Variants in MEGF11 observed in about 807,000 individuals in gnomAD.
MEGF11 encodes multiple EGF like domains 11.
MEGF11 carries 126 observed loss-of-function variants against 146.6 expected under a neutral mutation model. That is an observed-to-expected ratio of 0.86 (90% CI 0.74 to 1.00). The LOEUF is 1.00. Ranked by LOEUF, MEGF11 falls within the 50% of genes least tolerant of loss-of-function variation. The pLI is 0.00. For missense variants in MEGF11, 1,509 were observed against 1,521.2 expected, an observed-to-expected ratio of 0.99 and a Z score of 0.13; for synonymous variants, 532 against 583.4, an observed-to-expected ratio of 0.91 and a Z score of 1.27.
intron 1 of MEGF11, among the ~76,000 whole-genome samples, chr15:66,201,912 A>T (rs1018553940): frequency 6.9e-5 from 9 of 129,558 alleles, no homozygotes; most frequent in South Asian, 2.4e-4. Flanking sequence ...GTGCCACTGC[A>T]CTCCAGTCTG....
chr15:66,138,500 T>C (rs1158915147), intron 1 of MEGF11, among the ~76,000 whole-genome samples: 1 of 152,214 alleles, frequency 6.6e-6, no homozygotes, highest in Non-Finnish European at 1.5e-5. Flanking sequence ...TAAAGCAATT[T>C]ATTGAGGCTC....
At chr15:66,089,563 C>G (rs1436601276) in intron 5 of MEGF11, among the ~76,000 whole-genome samples, 1 of 152,092 alleles carries the variant, frequency 6.6e-6, no homozygotes, top group African/African-American at 2.4e-5. Context: ...AGAAATGGGA[C>G]CCAGGAAATA....
chr15:66,014,236 T>C (rs979867357), intron 5 of MEGF11, among the ~76,000 whole-genome samples: 2 of 152,226 alleles, frequency 1.3e-5, no homozygotes, highest in Non-Finnish European at 2.9e-5. Context: ...GCCATGTCTG[T>C]CACTGGATTA....
intron 10 of MEGF11, among the ~76,000 whole-genome samples, chr15:65,933,640 G>C (rs753875511): frequency 6.6e-6 from 1 of 152,212 alleles, no homozygotes; most frequent in Non-Finnish European, 1.5e-5. Flanking sequence ...AGAAAAGGGA[G>C]ACTCAGAGAG....
intron 1 of MEGF11, among the ~76,000 whole-genome samples, chr15:66,170,655 G>T (rs1328915882): frequency 1.3e-5 from 2 of 152,174 alleles, no homozygotes; most frequent in Non-Finnish European, 2.9e-5. Context: ...GGTGTAAGAG[G>T]TTCTTATTAT....
At chr15:65,936,276 T>C (rs1412502057) in intron 10 of MEGF11, among the ~76,000 whole-genome samples, 3 of 152,158 alleles carry the variant, frequency 2.0e-5, no homozygotes, top group Non-Finnish European at 4.4e-5. Context: ...TAGCACTGGA[T>C]GGTTGTGGTT....
chr15:65,963,613 G>A (rs150690769), intron 9 of MEGF11, among the ~76,000 whole-genome samples: 121 of 152,288 alleles, frequency 7.9e-4, no homozygotes, highest in African/African-American at 2.7e-3. Flanking sequence ...GAAGGTGCTC[G>A]GGGTTTCCTC....
intron 5 of MEGF11, among the ~76,000 whole-genome samples, chr15:66,001,614 C>T (rs1159229208): frequency 1.3e-5 from 2 of 151,188 alleles, no homozygotes; most frequent in African/African-American, 4.9e-5. Flanking sequence ...CTCTCATTTT[C>T]ACCTCCTTTA....
intron 5 of MEGF11, among the ~76,000 whole-genome samples, chr15:66,034,336 A>T (rs2083644122): frequency 6.6e-6 from 1 of 151,444 alleles, no homozygotes; most frequent in East Asian, 1.9e-4. Flanking sequence ...GGCTATTGGG[A>T]TGGAATGAAT....
At chr15:66,124,268 GA>G (rs2088216081) in intron 2 of MEGF11, among the ~76,000 whole-genome samples, 2 of 152,166 alleles carry the variant, frequency 1.3e-5, no homozygotes, top group South Asian at 4.1e-4. Context: ...TCATTTAACA[GA>G]GAATGAATAA....
intron 5 of MEGF11, among the ~76,000 whole-genome samples, chr15:65,986,792 C>CTTTTTTTTTTT (rs1491353062): frequency 3.0e-5 from 4 of 134,004 alleles, no homozygotes; most frequent in African/African-American, 1.1e-4. Flanking sequence ...GCTGATTTTT[C>CTTTTTTTTTTT]CTTTTTTTTT....
intron 4 of MEGF11, among the ~76,000 whole-genome samples, chr15:66,103,003 CTGT>C (rs959193163): frequency 3.3e-4 from 50 of 152,334 alleles, no homozygotes; most frequent in African/African-American, 1.0e-3. Context: ...GTGGAAAGCA[CTGT>C]TATTATCCCC....
At chr15:66,233,945 C>CTTTTTTTTTTTTTTTTTTT in intron 1 of MEGF11, among the ~76,000 whole-genome samples, 1 of 108,514 alleles carries the variant, frequency 9.2e-6, no homozygotes, top group Admixed American at 1.0e-4. Context: ...TTTTTTTTTT[C>CTTTTTTTTTTTTTTTTTTT]TTTTTCTTTT....
At position 65,915,574 on chromosome 15, in the gene MEGF11, T is replaced by C; in HGVS notation, c.2369A>G (p.Tyr790Cys). Residue 790 changes from tyrosine to cysteine, a missense_variant, in exon 19 of 26, where the codon TAT becomes TGT. By Grantham distance (194) the Tyr-to-Cys change is radical. Transcript: ENST00000395614. ...EQRCAPGTFG[Y>C]GCQQLCECMN... ...GCACTCACATAGCTGCTGACACCCATAGCCAAAGGTTCCTGGGGCACATCC... is the reference window on the plus strand; with the variant it reads ...GCACTCACATAGCTGCTGACACCCACAGCCAAAGGTTCCTGGGGCACATCC... The C allele has an allele frequency of 1.2e-6, 2 of 1,613,916 alleles. No individual in the cohort carries two copies. The highest frequency in any genetic ancestry group is 1.7e-6 in the Non-Finnish European group (2 of 1,179,848).
chr15:66,090,391 C>G (rs1404954386), intron 5 of MEGF11, among the ~76,000 whole-genome samples: 2 of 152,178 alleles, frequency 1.3e-5, no homozygotes, highest in African/African-American at 4.8e-5. Context: ...CCAAAAATCC[C>G]TAAAAAGTCC....
At chr15:66,222,158 GT>G (rs1419939511) in intron 1 of MEGF11, among the ~76,000 whole-genome samples, 1 of 152,066 alleles carries the variant, frequency 6.6e-6, no homozygotes, top group Non-Finnish European at 1.5e-5. Flanking sequence ...GACAGGCAGG[GT>G]TTTGATGGCA....
At chr15:66,098,852 G>A (rs1174178350) in intron 4 of MEGF11, among the ~76,000 whole-genome samples, 2 of 152,182 alleles carry the variant, frequency 1.3e-5, no homozygotes, top group Non-Finnish European at 2.9e-5. Flanking sequence ...TGTCTGTAGT[G>A]GGGCTCAGGG....
At chr15:66,187,409 T>C (rs9920358) in intron 1 of MEGF11, among the ~76,000 whole-genome samples, 2,954 of 152,294 alleles carry the variant, frequency 0.019, 110 homozygotes, top group African/African-American at 0.068. Flanking sequence ...CCACCTGCTC[T>C]CTGTGGCTCA....
chr15:66,000,526 G>A (rs2082334656), intron 5 of MEGF11, among the ~76,000 whole-genome samples: 1 of 145,916 alleles, frequency 6.9e-6, no homozygotes, highest in South Asian at 2.3e-4. Flanking sequence ...AGAGAGAACT[G>A]TCTCTTTGAA....
Sources: gnomAD v4.1 joint callset for allele counts (sites outside exome capture counted in the v4.1 genomes callset) on GRCh38, gnomAD v4.1.1 for gene constraint, MANE v1.5 for transcripts, NCBI Gene and HGNC (gene_info 2026-07-23, HGNC 2026-07-21) for gene names.